The following CDH15 variants were observed in gnomAD, a reference collection of about 807,000 sequenced individuals.
The protein encoded by CDH15 is cadherin-15.
CDH15 carries 73 observed loss-of-function variants against 69.4 expected under a neutral mutation model. The ratio of observed to expected loss-of-function variants is 1.05; its 90% CI spans 0.87 to 1.28. CDH15 has a LOEUF of 1.28. Ranked by LOEUF, CDH15 falls within the 50% of genes most tolerant of loss-of-function variation. The pLI is 0.00. For missense variants in CDH15, 1,343 were observed against 1,133.6 expected (o/e 1.18, Z -2.65); for synonymous variants, 624 against 507.7 (o/e 1.23, Z -3.08).
intron 1 of CDH15, among the ~76,000 whole-genome samples, chr16:89,176,152 C>T (rs933180048): frequency 6.6e-6 from 1 of 152,270 alleles, no homozygotes; most frequent in Non-Finnish European, 1.5e-5. Context: ...GCCAACATCT[C>T]CTTCCCGGCC....
rs757082227 is a variant in CDH15, at chr16:89,185,165, C to T, written c.503-8C>T. On this transcript the variant is annotated splice_polypyrimidine_tract_variant and splice_region_variant and intron_variant, in intron 4 of 13. Coordinates refer to ENST00000289746, the MANE Select transcript of CDH15 (RefSeq NM_004933.3). ...ACGTTGGCCCTCACGCCTCCCTGTG[C>T]TTCCCAGGCACCTATGTGACCAGGG... The T allele has an allele frequency of 1.9e-6, 3 of 1,591,626 alleles. No homozygotes were observed. The highest frequency in any genetic ancestry group is 2.6e-6 in the Non-Finnish European group (3 of 1,170,002).
chr16:89,180,250 A>G lies in CDH15; in HGVS notation c.252A>G (p.Gly84=). Residue 84 remains glycine, a synonymous_variant, in exon 3 of 14, where the codon GGA becomes GGG. Transcript: ENST00000289746. ...QLGSVIYSIQ[G]PGVDEEPRGV... ...GCAGCGTCATCTACAGCATCCAGGG[A>G]CCCGGCGTGGATGAGGAGCCCCGGG... 1 of 1,610,018 alleles carries G rather than the reference A, an allele frequency of 6.2e-7. No individual in the cohort carries two copies. The highest frequency in any genetic ancestry group is 1.1e-5 in the South Asian group (1 of 90,346).
intron 6 of CDH15, 90 bp from the exon 7 acceptor site, chr16:89,188,010 G>C: frequency 1.1e-6 from 1 of 878,912 alleles, no homozygotes; most frequent in East Asian, 2.6e-5. Flanking sequence ...AGGGAGGGTG[G>C]GAGGGGAGGG....
intron 4 of CDH15, 109 bp downstream of exon 4, chr16:89,183,801 T>G: frequency 8.5e-7 from 1 of 1,179,648 alleles, no homozygotes; most frequent in Non-Finnish European, 1.2e-6. Context: ...AGTCTAAAAA[T>G]AAGTAAACAA....
chr16:89,191,276 C>A (rs1421461320), intron 8 of CDH15, 54 bp from the exon 9 acceptor site: 2 of 1,610,308 alleles, frequency 1.2e-6, no homozygotes, highest in Non-Finnish European at 1.7e-6. Context: ...CCTGACCACA[C>A]CTGTGGGGCC....
At chr16:89,185,601 C>G in intron 5 of CDH15, 1 of 543,878 alleles carries the variant, frequency 1.8e-6, no homozygotes. Flanking sequence ...CAGCCCCGCC[C>G]CTCTCAGCCT....
At chr16:89,193,699 C>G in intron 12 of CDH15, 56 bp from the exon 13 acceptor site, 2 of 1,580,122 alleles carry the variant, frequency 1.3e-6, no homozygotes, top group South Asian at 2.3e-5. Context: ...GTACCTGAGA[C>G]CTCCACCAGG....
intron 1 of CDH15, among the ~76,000 whole-genome samples, chr16:89,174,332 G>A (rs974035391): frequency 4.6e-5 from 7 of 152,116 alleles, no homozygotes; most frequent in African/African-American, 1.4e-4. Context: ...AGCTTGAGGG[G>A]CCTTCGCACT....
chr16:89,179,134 T>C (rs146060035), intron 1 of CDH15, among the ~76,000 whole-genome samples: 2 of 152,302 alleles, frequency 1.3e-5, no homozygotes, highest in Non-Finnish European at 2.9e-5. Context: ...GTGGGCCCAG[T>C]AGGAGACTCG....
intron 9 of CDH15, 55 bp from the exon 10 acceptor site, chr16:89,191,600 T>G: frequency 1.3e-6 from 2 of 1,571,660 alleles, no homozygotes; most frequent in Non-Finnish European, 1.7e-6. Flanking sequence ...CTGAGCCGAC[T>G]GGTGGGGCAG....
intron 7 of CDH15, among the ~76,000 whole-genome samples, chr16:89,188,583 C>G (rs1464992498): frequency 6.8e-6 from 1 of 147,178 alleles, no homozygotes; most frequent in African/African-American, 2.5e-5. Flanking sequence ...TGCCGGCACA[C>G]ACAGATGCCC....
Position 89,179,347 on chromosome 16 carries a change from T to G in CDH15, c.43-69T>G, listed in dbSNP as rs184421327. 4.4e-6 allele frequency: 7 copies of G among 1,584,764 alleles called. No individual in the cohort carries two copies. In the Admixed American group the frequency reaches 1.0e-4, roughly 23 times the overall value. On this transcript the variant is annotated intron_variant, in intron 1 of 13. Transcript: ENST00000289746. ...CCGTGGCCTCCTCACCACCCACAGC[T>G]CCCAGCTGCACGCTGCCGCCCAGGG...
At chr16:89,189,410 CAG>C (rs1915589756) in intron 7 of CDH15, among the ~76,000 whole-genome samples, 2 of 152,362 alleles carry the variant, frequency 1.3e-5, no homozygotes, top group African/African-American at 2.4e-5. Flanking sequence ...TGCCCACACA[CAG>C]ATGCCCATGC....
chr16:89,190,153 C>G, intron 7 of CDH15, 90 bp from the exon 8 acceptor site: 1 of 1,502,426 alleles, frequency 6.7e-7, no homozygotes. Flanking sequence ...GTGCTCTGGA[C>G]AGACCCAAGG....
chr16:89,183,325 G>A, intron 3 of CDH15: 2 of 560,070 alleles, frequency 3.6e-6, no homozygotes, highest in Non-Finnish European at 6.4e-6. Flanking sequence ...AGGCAAGCAG[G>A]GAAAGTGGCA....
rs1915639362 is a variant in CDH15, at chr16:89,191,467, A to G, written c.1370A>G (p.Asp457Gly). The part of the protein sequence containing the change: ...GWYRAIVLAQ[D>G]DASQPRTATG... ...TACAGAGCCATCGTCCTGGCCCAGGATGACGGTGAGCGGCGCCGCCGGCTT... is the reference window on the plus strand; with the variant it reads ...TACAGAGCCATCGTCCTGGCCCAGGGTGACGGTGAGCGGCGCCGCCGGCTT... Residue 457 changes from aspartate (D) to glycine (G), a missense_variant, in exon 9 of 14, where the codon GAT (aspartate) becomes GGT (glycine). By Grantham distance (94) the Asp-to-Gly change is moderately conservative. Coordinates refer to ENST00000289746, the MANE Select transcript of CDH15 (RefSeq NM_004933.3). The G allele has an allele frequency of 6.2e-7, 1 of 1,612,272 alleles. No homozygotes were observed. Among genetic ancestry groups the G allele is most frequent in the South Asian group, 1.1e-5 (1 of 91,070 alleles).
intron 7 of CDH15, among the ~76,000 whole-genome samples, chr16:89,189,660 C>A (rs1467279160): frequency 6.6e-6 from 1 of 152,246 alleles, no homozygotes; most frequent in African/African-American, 2.4e-5. Context: ...CAGCTGCACA[C>A]CTGTGTCAGT....
chr16:89,179,357 A>G (rs1368307560), intron 1 of CDH15, 59 bp from the exon 2 acceptor site: 6 of 1,600,976 alleles, frequency 3.7e-6, no homozygotes, highest in Non-Finnish European at 5.1e-6. Flanking sequence ...TCCCAGCTGC[A>G]CGCTGCCGCC....
In CDH15 at chr16:89,183,563, C is replaced by G; in HGVS notation, c.373C>G (p.Leu125Val). The G allele has an allele frequency of 6.2e-7, 1 of 1,614,158 alleles. No homozygotes were observed. Among genetic ancestry groups the G allele is most frequent in the East Asian group, 2.2e-5 (1 of 44,892 alleles). Residue 125 changes from leucine to valine, a missense_variant, in exon 4 of 14, where the codon CTG (leucine) becomes GTG (valine). Physicochemically the swap from Leu to Val is conservative, Grantham distance 32. Coordinates refer to ENST00000289746, the MANE Select transcript of CDH15 (RefSeq NM_004933.3). ...GTTTGAACAGCTAAGAGCGTTTGCC[C>G]TGGACCTGGGAGGATCCACCCTGGA... ...TDRFRLRAFALDLGGSTLEDP... is the reference protein window; with the variant it reads ...TDRFRLRAFAVDLGGSTLEDP...
Sources: allele counts gnomAD v4.1 joint callset (sites outside exome capture counted in the v4.1 genomes callset), GRCh38; gene constraint gnomAD v4.1.1; transcripts MANE v1.5; gene names NCBI Gene and HGNC (gene_info 2026-07-23, HGNC 2026-07-21).